The following DACH2 variants were observed in gnomAD, a reference collection of about 807,000 sequenced individuals.
The protein encoded by DACH2 is dachshund family transcription factor 2, also known as dachshund homolog 2.
A neutral mutation model predicts 35.8 loss-of-function variants in DACH2; 17 were observed. The observed-to-expected ratio is 0.48, with a 90% CI of 0.33 to 0.71. The LOEUF (loss-of-function observed/expected upper bound fraction) is 0.71. Among genes scored for constraint, DACH2 ranks in the 30% least tolerant of loss-of-function variants. The pLI is 0.02. For synonymous variants in DACH2, 195 were observed against 177.3 expected, an observed-to-expected ratio of 1.10 and a Z score of -0.79; for missense variants, 469 against 472.7, an observed-to-expected ratio of 0.99 and a Z score of 0.07.
intron 2 of DACH2, among the ~76,000 whole-genome samples, chrX:86,464,846 A>C (rs1224946540): frequency 1.8e-5 from 2 of 112,142 alleles, no homozygotes; most frequent in Middle Eastern, 4.7e-3. Context: ...TCAATAAAAA[A>C]ACACAAATCT....
intron 7 of DACH2, among the ~76,000 whole-genome samples, chrX:86,807,851 C>T (rs1207440702): frequency 8.9e-6 from 1 of 112,010 alleles, no homozygotes; most frequent in Non-Finnish European, 1.9e-5. Flanking sequence ...CCACAGAGCA[C>T]CCTGTAATGT....
chrX:86,174,553 A>G (rs190929664), intron 1 of DACH2, among the ~76,000 whole-genome samples: 25 of 112,520 alleles, frequency 2.2e-4, no homozygotes, highest in African/African-American at 3.2e-4. Flanking sequence ...ACATTTGTAG[A>G]ATAAATATTG....
intron 3 of DACH2, among the ~76,000 whole-genome samples, chrX:86,525,128 G>T (rs2038612702): frequency 1.8e-5 from 2 of 110,781 alleles, no homozygotes; most frequent in Non-Finnish European, 3.8e-5. Context: ...AATTTATAAG[G>T]CCAGGCTTTT....
At chrX:86,376,086 A>T (rs1032257855) in intron 1 of DACH2, among the ~76,000 whole-genome samples, 3 of 109,636 alleles carry the variant, frequency 2.7e-5, no homozygotes, top group Non-Finnish European at 5.7e-5. Context: ...GTTTTTTAAA[A>T]TGGATCTCTT....
chrX:86,485,566 T>G (rs758052668), intron 2 of DACH2, among the ~76,000 whole-genome samples: 3 of 111,768 alleles, frequency 2.7e-5, no homozygotes. Context: ...AATATGGCAA[T>G]TACTCTTATA....
chrX:86,387,140 T>G (rs1387469560), intron 2 of DACH2, among the ~76,000 whole-genome samples: 1 of 111,315 alleles, frequency 9.0e-6, no homozygotes, highest in Non-Finnish European at 1.9e-5. Flanking sequence ...TATCCCCTTA[T>G]CCAGCATCCC....
chrX:86,561,771 G>A (rs1365274449), intron 3 of DACH2, among the ~76,000 whole-genome samples: 1 of 52,105 alleles, frequency 1.9e-5, no homozygotes, highest in Non-Finnish European at 3.4e-5. Context: ...GAGGGGGGAG[G>A]GATAGCATTG....
intron 3 of DACH2, among the ~76,000 whole-genome samples, chrX:86,538,447 C>G: frequency 9.0e-6 from 1 of 111,726 alleles, no homozygotes; most frequent in Non-Finnish European, 1.9e-5. Flanking sequence ...TTAACAATAG[C>G]CCCACTTCTC....
chrX:86,670,407 T>C (rs12387519), intron 4 of DACH2, among the ~76,000 whole-genome samples: 4,438 of 111,419 alleles, frequency 0.04, 224 homozygotes, highest in African/African-American at 0.14. Context: ...CTTTTGTCAA[T>C]AAAAACAAAG....
intron 1 of DACH2, among the ~76,000 whole-genome samples, chrX:86,208,187 A>C (rs2032361598): frequency 9.2e-6 from 1 of 108,243 alleles, no homozygotes; most frequent in African/African-American, 3.3e-5. Context: ...ATGTTTCCTG[A>C]TCACAAATAA....
intron 1 of DACH2, among the ~76,000 whole-genome samples, chrX:86,361,942 T>A (rs1200786359): frequency 7.2e-5 from 8 of 111,311 alleles, no homozygotes; most frequent in Non-Finnish European, 1.1e-4. Context: ...AATAAGAAAA[T>A]TAACTTATCA....
chrX:86,641,768 C>A (rs1165637386), intron 3 of DACH2, among the ~76,000 whole-genome samples: 2 of 111,902 alleles, frequency 1.8e-5, no homozygotes, highest in Non-Finnish European at 3.8e-5. Flanking sequence ...AACTGAAATC[C>A]TACAAGTCTT....
intron 1 of DACH2, among the ~76,000 whole-genome samples, chrX:86,252,221 C>A (rs1281107547): frequency 1.8e-5 from 2 of 109,736 alleles, no homozygotes; most frequent in Non-Finnish European, 3.8e-5. Context: ...TGTTTGAGTT[C>A]CTTGTAAATT....
At chrX:86,755,742 C>T (rs1037415946) in intron 7 of DACH2, among the ~76,000 whole-genome samples, 4 of 107,884 alleles carry the variant, frequency 3.7e-5, no homozygotes, top group Admixed American at 2.0e-4. Flanking sequence ...GGACTACAGG[C>T]GCCCGCCACC....
intron 6 of DACH2, among the ~76,000 whole-genome samples, chrX:86,737,487 G>A (rs1411988755): frequency 8.9e-6 from 1 of 112,045 alleles, no homozygotes; most frequent in African/African-American, 3.2e-5. Context: ...ATTGTTGGAT[G>A]TTAATGAAAT....
At chrX:86,668,567 A>G (rs2040726904) in intron 4 of DACH2, among the ~76,000 whole-genome samples, 1 of 111,784 alleles carries the variant, frequency 8.9e-6, no homozygotes, top group Admixed American at 9.5e-5. Flanking sequence ...TTGTAATTAG[A>G]TGTGGGAATT....
intron 3 of DACH2, among the ~76,000 whole-genome samples, chrX:86,544,430 C>A (rs2038930059): frequency 9.0e-6 from 1 of 111,613 alleles, no homozygotes; most frequent in African/African-American, 3.3e-5. Flanking sequence ...CCCCATCAGG[C>A]TAACAGCATG....
intron 1 of DACH2, among the ~76,000 whole-genome samples, chrX:86,359,804 G>A (rs780721169): frequency 1.8e-5 from 2 of 111,143 alleles, no homozygotes; most frequent in Non-Finnish European, 3.8e-5. Context: ...AAAGTGTTAA[G>A]TTCAGACTTC....
chrX:86,282,114 T>A (rs2034041457), intron 1 of DACH2, among the ~76,000 whole-genome samples: 1 of 111,252 alleles, frequency 9.0e-6, no homozygotes, highest in Admixed American at 9.7e-5. Flanking sequence ...CCCATCAAGC[T>A]ACCATTGCCT....
Sources: allele counts gnomAD v4.1 joint callset (sites outside exome capture counted in the v4.1 genomes callset), GRCh38; gene constraint gnomAD v4.1.1; transcripts MANE v1.5; gene names NCBI Gene and HGNC (gene_info 2026-07-23, HGNC 2026-07-21).